CTNNA1: variants seen among roughly 807,000 people sequenced by gnomAD.
CTNNA1 encodes the protein catenin alpha-1.
CTNNA1 carries 37 observed loss-of-function variants against 98.4 expected under a neutral mutation model. The observed-to-expected ratio is 0.38, with a 90% CI of 0.29 to 0.49. CTNNA1 has a LOEUF of 0.49. Among genes scored for constraint, CTNNA1 ranks in the 20% least tolerant of loss-of-function variants. CTNNA1 has a pLI of 0.95. For synonymous variants in CTNNA1, 404 were observed against 413.2 expected, an observed-to-expected ratio of 0.98 and a Z score of 0.27; for missense variants, 761 against 1,147.2, an observed-to-expected ratio of 0.66 and a Z score of 4.86.
At chr5:138,824,830 T>C in intron 6 of CTNNA1, 31 bp downstream of exon 6, 1 of 1,599,066 alleles carries the variant, frequency 6.3e-7, no homozygotes. Flanking sequence ...AATTTCCAGC[T>C]CTTGACCATC....
At chr5:138,920,298 T>C (rs1762652581) in intron 11 of CTNNA1, among the ~76,000 whole-genome samples, 1 of 152,206 alleles carries the variant, frequency 6.6e-6, no homozygotes, top group African/African-American at 2.4e-5. Flanking sequence ...ACACTTTTTA[T>C]TTCGGGGGAC....
At chr5:138,804,535 A>G (rs1163119749) in intron 3 of CTNNA1, among the ~76,000 whole-genome samples, 1 of 152,242 alleles carries the variant, frequency 6.6e-6, no homozygotes, top group Non-Finnish European at 1.5e-5. Context: ...CTGTTGTGGC[A>G]AATGGCGATT....
At chr5:138,887,890 A>C (rs1027835165) in intron 9 of CTNNA1, among the ~76,000 whole-genome samples, 3 of 152,198 alleles carry the variant, frequency 2.0e-5, no homozygotes, top group African/African-American at 7.2e-5. Context: ...ACTTAATGCA[A>C]ATAAAGATAA....
intron 9 of CTNNA1, among the ~76,000 whole-genome samples, chr5:138,897,593 T>TAG (rs1395089382): frequency 6.6e-6 from 1 of 152,038 alleles, no homozygotes; most frequent in Non-Finnish European, 1.5e-5. Context: ...AAGCTTCAGT[T>TAG]TTCTCAGATT....
intron 5 of CTNNA1, among the ~76,000 whole-genome samples, chr5:138,823,784 C>A (rs905908393): frequency 6.6e-6 from 1 of 150,920 alleles, no homozygotes. Flanking sequence ...GGTGAAACCC[C>A]GTCTCTACTA....
intron 7 of CTNNA1, among the ~76,000 whole-genome samples, chr5:138,860,643 G>A (rs957159283): frequency 8.5e-5 from 13 of 152,166 alleles, no homozygotes; most frequent in Admixed American, 2.6e-4. Flanking sequence ...TTACAGGCAC[G>A]TGCCACCATG....
chr5:138,776,426 GTCTCCCGTGTCTGCC>G (rs1430281476), intron 1 of CTNNA1, among the ~76,000 whole-genome samples: 2 of 152,120 alleles, frequency 1.3e-5, no homozygotes, highest in Non-Finnish European at 2.9e-5. Context: ...AAAATGAAAA[GTCTCCCGTGTCTGCC>G]TCTTTCTACA....
intron 7 of CTNNA1, among the ~76,000 whole-genome samples, chr5:138,858,234 C>A (rs529324441): frequency 1.1e-4 from 16 of 151,860 alleles, no homozygotes; most frequent in African/African-American, 3.9e-4. Flanking sequence ...TCCAGCAGTC[C>A]TCCCACCTCA....
chr5:138,844,536 G>A (rs763921228), intron 7 of CTNNA1, among the ~76,000 whole-genome samples: 1 of 152,074 alleles, frequency 6.6e-6, no homozygotes, highest in Non-Finnish European at 1.5e-5. Flanking sequence ...ACACTATTTT[G>A]TTGGCCAGTA....
At chr5:138,872,617 G>A (rs1750780482) in intron 7 of CTNNA1, 1 of 157,522 alleles carries the variant, frequency 6.3e-6, no homozygotes, top group Admixed American at 6.4e-5. Flanking sequence ...TACATGGGAT[G>A]GAGAGCAGTG....
intron 9 of CTNNA1, chr5:138,891,217 T>C (rs1755275055): frequency 6.6e-6 from 1 of 152,186 alleles, no homozygotes. Context: ...CCAGAGTGAG[T>C]GGTCCTTTCT....
chr5:138,932,879 TCCC>T, intron 17 of CTNNA1, 167 bp downstream of exon 17: 1 of 902,674 alleles, frequency 1.1e-6, no homozygotes, highest in Admixed American at 1.7e-5. Context: ...CATCATCTGT[TCCC>T]TGTAGAACTG....
At chr5:138,768,198 A>G (rs546295976) in intron 1 of CTNNA1, among the ~76,000 whole-genome samples, 22 of 152,200 alleles carry the variant, frequency 1.4e-4, no homozygotes, top group African/African-American at 4.3e-4. Flanking sequence ...GCATTTTTGT[A>G]TAGTTTAGGC....
At chr5:138,815,168 A>G (rs547803465) in intron 5 of CTNNA1, among the ~76,000 whole-genome samples, 2 of 152,124 alleles carry the variant, frequency 1.3e-5, no homozygotes, top group Non-Finnish European at 2.9e-5. Context: ...ACCATGTTCC[A>G]TGGATCTGTG....
chr5:138,819,917 C>T (rs1006295670), intron 5 of CTNNA1, among the ~76,000 whole-genome samples: 1 of 151,692 alleles, frequency 6.6e-6, no homozygotes, highest in Non-Finnish European at 1.5e-5. Flanking sequence ...TCTCACAGAT[C>T]TGGTTGTTTA....
intron 7 of CTNNA1, among the ~76,000 whole-genome samples, chr5:138,856,520 T>G (rs768268269): frequency 6.6e-6 from 1 of 152,292 alleles, no homozygotes; most frequent in East Asian, 1.9e-4. Context: ...TTTTAAATTC[T>G]TTGTAATAAT....
chr5:138,873,985 A>G lies in CTNNA1; in HGVS notation c.1063-12227A>G. 6.2e-7 allele frequency: 1 copy of G among 1,614,004 alleles called. No individual in the cohort carries two copies. The highest frequency in any genetic ancestry group is 8.5e-7 in the Non-Finnish European group (1 of 1,179,880). On this transcript the variant is annotated intron_variant, in intron 7 of 17. Coordinates refer to ENST00000302763, the MANE Select transcript of CTNNA1 (RefSeq NM_001903.5). The surrounding 1 kb of genome is among the most constrained non-coding windows in gnomAD (Gnocchi z 6.1). ...ATCCATTGCGAGCCAAACTTCGCAA[A>G]CGATTTGTGCTCAAATCCAGAAACT...
chr5:138,925,190 C>T (rs558695671), intron 12 of CTNNA1, 66 bp from the exon 13 acceptor site: 239 of 1,558,434 alleles, frequency 1.5e-4, no homozygotes, highest in Non-Finnish European at 2.0e-4. Flanking sequence ...CTGAGTGATT[C>T]AGGGAGGGCC....
intron 11 of CTNNA1, among the ~76,000 whole-genome samples, chr5:138,919,624 AAG>A (rs1428375650): frequency 6.6e-6 from 1 of 152,206 alleles, no homozygotes; most frequent in Non-Finnish European, 1.5e-5. Context: ...ATGAGAGTAT[AAG>A]AGGGATTGAT....
Sources: gnomAD v4.1 joint callset for allele counts (sites outside exome capture counted in the v4.1 genomes callset) on GRCh38, gnomAD v4.1.1 for gene constraint, Gnocchi (gnomAD v3.1) non-coding constraint, MANE v1.5 for transcripts, NCBI Gene and HGNC (gene_info 2026-07-23, HGNC 2026-07-21) for gene names.